The following DNAAF8 variants were observed in gnomAD, a reference collection of about 807,000 sequenced individuals.
DNAAF8 encodes the protein dynein axonemal assembly factor 8.
Under a neutral mutation model 54.6 loss-of-function variants are expected in DNAAF8, and 61 were observed. That is an observed-to-expected ratio of 1.12 (90% CI 0.91 to 1.38). The LOEUF (loss-of-function observed/expected upper bound fraction) is 1.38. DNAAF8 is among the 40% of genes most tolerant of loss of function. DNAAF8 has a pLI of 0.00. For missense variants in DNAAF8, 837 were observed against 665.0 expected (o/e 1.26, Z -2.85); for synonymous variants, 320 against 270.1 (o/e 1.18, Z -1.81).
Position 4,746,707 on chromosome 16 carries a change from T to C in DNAAF8, c.1181+195T>C, listed in dbSNP as rs536477359. The C allele has an allele frequency of 6.0e-6, 5 of 840,074 alleles. No homozygotes were observed. In the East Asian group the frequency reaches 8.1e-5, roughly 14 times the overall value. 52.0% of individuals were successfully genotyped at this position (840,074 alleles called of 1,614,324 possible). A position where few individuals can be genotyped will look rare whatever the true frequency, so the allele number is the denominator to read the frequency against. On this transcript the variant is annotated intron_variant, in intron 7 of 9. Transcript: ENST00000299320. ...AGGGAAGAGGGGCATGAGGCACACCTCCTCGGGCTGGGCTCTATGCAATAG... is the reference window on the plus strand; with the variant it reads ...AGGGAAGAGGGGCATGAGGCACACCCCCTCGGGCTGGGCTCTATGCAATAG...
Position 4,743,124 on chromosome 16 carries a change from A to G in DNAAF8, c.865A>G (p.Thr289Ala). 6.2e-7 allele frequency: 1 copy of G among 1,611,476 alleles called. No individual in the cohort carries two copies. The highest frequency in any genetic ancestry group is 8.5e-7 in the Non-Finnish European group (1 of 1,178,714). Reference protein sequence around the residue: ...EDNQGNRAPGTVWWAADHRQV... With the variant: ...EDNQGNRAPGAVWWAADHRQV... Reference sequence around the variant, plus strand: ...CAACCAGGGAAATCGTGCACCTGGAACTGTGTGGTGGGCAGCTGACCACCG... The same window carrying G: ...CAACCAGGGAAATCGTGCACCTGGAGCTGTGTGGTGGGCAGCTGACCACCG... The change falls in exon 5 of 10, where the codon ACT (threonine) becomes GCT (alanine). Residue 289 changes from threonine to alanine, a missense_variant. Transcript: ENST00000299320.
chr16:4,739,265 G>GTTTTTTTTTTTTTTTTT lies in DNAAF8; in HGVS notation c.277-883_277-867dup, dbSNP rs35113323. On this transcript the variant is annotated intron_variant, in intron 3 of 9. Transcript: ENST00000299320. The stretch of plus-strand genomic sequence containing the variant: ...AAACTCTTCTGGATGATTTTTTCTT[G>GTTTTTTTTTTTTTTTTT]TTTTTTTTTTTTTTTTTTTTTGTAA... Among the ~76,000 whole-genome samples the GTTTTTTTTTTTTTTTTT allele has an allele frequency of 4.7e-3, 323 of 69,040 alleles. 62 individuals carry two copies. Among genetic ancestry groups the GTTTTTTTTTTTTTTTTT allele is most frequent in the African/African-American group, 6.6e-3 (122 of 18,468 alleles). 45.3% of individuals were successfully genotyped at this position (69,040 alleles called of 152,430 possible). A position where few individuals can be genotyped will look rare whatever the true frequency, so the allele number is the denominator to read the frequency against.
chr16:4,740,923 A>G (rs573553558), intron 4 of DNAAF8, among the ~76,000 whole-genome samples: 2 of 151,892 alleles, frequency 1.3e-5, no homozygotes, highest in African/African-American at 2.4e-5. Context: ...AGCGGCTCGC[A>G]CCTGTAATCC....
Position 4,744,878 on chromosome 16 carries a change from G to T in DNAAF8, c.910G>T (p.Val304Leu). 1 of 1,612,976 alleles carries T rather than the reference G, an allele frequency of 6.2e-7. No homozygotes were observed. Among genetic ancestry groups the T allele is most frequent in the Non-Finnish European group, 8.5e-7 (1 of 1,179,542 alleles). Residue 304 changes from valine (V) to leucine (L), a missense_variant, in exon 6 of 10, where the codon GTG becomes TTG. Physicochemically the swap from Val to Leu is conservative, Grantham distance 32. Coordinates refer to ENST00000299320, the MANE Select transcript of DNAAF8 (RefSeq NM_139170.3). The part of the protein sequence containing the change: ...ADHRQVQDRM[V>L]PSAHNRLMEQ... ...CCTTTGGCCATCCTCAGACCGCATG[G>T]TGCCGAGCGCCCACAACAGGCTCAT...
intron 5 of DNAAF8, 179 bp downstream of exon 5, chr16:4,743,339 C>A: frequency 3.8e-6 from 2 of 528,712 alleles, no homozygotes; most frequent in South Asian, 5.3e-5. Flanking sequence ...ATTCATTCAA[C>A]ATATATGTGA....
chr16:4,741,395 T>C (rs867099831), intron 4 of DNAAF8, among the ~76,000 whole-genome samples: 1 of 152,184 alleles, frequency 6.6e-6, no homozygotes, highest in South Asian at 2.1e-4. Context: ...GATCTCAAAA[T>C]ATGAAAGCCC....
chr16:4,741,029 C>G (rs2081954815), intron 4 of DNAAF8, among the ~76,000 whole-genome samples: 1 of 150,568 alleles, frequency 6.6e-6, no homozygotes. Context: ...AGAAATCATC[C>G]TGGCTAACAC....
At position 4,740,314 on chromosome 16, in the gene DNAAF8, G is replaced by A. The variant is rs757551946; in HGVS notation, c.438G>A (p.Trp146Ter). Reference sequence around the variant, plus strand: ...GGATGGCCGAGGAGCCCCCCAGGTGGCTGGAAGGCGACCTTGGAAGCCTGT... The same window carrying A: ...GGATGGCCGAGGAGCCCCCCAGGTGACTGGAAGGCGACCTTGGAAGCCTGT... ...LLGMAEEPPR[W>*]LEGDLGSLSF... Residue 146 changes from tryptophan (W) to a stop codon, truncating the protein, a stop_gained, in exon 4 of 10, where the codon TGG (tryptophan) becomes TGA (stop). Transcript: ENST00000299320. LOFTEE classifies it high-confidence loss of function. 135 of 1,613,866 alleles carry A rather than the reference G, an allele frequency of 8.4e-5. No homozygotes were observed. The highest frequency in any genetic ancestry group is 1.1e-4 in the Non-Finnish European group (133 of 1,179,990).
intron 1 of DNAAF8, 101 bp from the exon 2 acceptor site, chr16:4,736,363 G>A (rs996183132): frequency 2.4e-6 from 2 of 844,016 alleles, no homozygotes; most frequent in East Asian, 6.5e-5. Flanking sequence ...AGGTGGTGAG[G>A]CCTGCCAGCC....
At position 4,740,106 on chromosome 16, in the gene DNAAF8, A is replaced by G. The variant is rs1454998188; in HGVS notation, c.277-47A>G. 5.3e-6 allele frequency: 8 copies of G among 1,514,080 alleles called. No individual in the cohort carries two copies. In the Admixed American group the frequency reaches 1.6e-4, roughly 30 times the overall value. The allele number at this position is 1,514,080 out of a possible 1,614,324, so 93.8% of individuals were successfully genotyped here. On this transcript the variant is annotated intron_variant, in intron 3 of 9. Coordinates refer to ENST00000299320, the MANE Select transcript of DNAAF8 (RefSeq NM_139170.3). ...TTTTTCTATGAAAAACATTCCCTGA[A>G]GCATGTTTTTGAGGATGCTAACTGA...
chr16:4,746,086 T>C (rs945818490), intron 6 of DNAAF8: 10 of 314,704 alleles, frequency 3.2e-5, no homozygotes, highest in East Asian at 1.7e-4. Flanking sequence ...GTTTTATGCA[T>C]TGGATTTAAA....
rs1176199753 is a variant in DNAAF8, at chr16:4,743,165, G to C, written c.901+5G>C. 6.4e-7 allele frequency: 1 copy of C among 1,569,444 alleles called. No individual in the cohort carries two copies. The highest frequency in any genetic ancestry group is 8.7e-7 in the Non-Finnish European group (1 of 1,148,734). ...CTGACCACCGCCAAGTTCAAGGTCT[G>C]ACCTTGAACACTGGAGCCCACGTGA... is the stretch of plus-strand genomic sequence containing the variant. On this transcript the variant is annotated splice_donor_5th_base_variant and intron_variant, in intron 5 of 9. Coordinates refer to ENST00000299320, the MANE Select transcript of DNAAF8 (RefSeq NM_139170.3).
In DNAAF8 at chr16:4,747,604, G is replaced by A; in HGVS notation, c.1542G>A (p.Met514Ile). The A allele has an allele frequency of 6.2e-7, 1 of 1,609,018 alleles. No homozygotes were observed. Among genetic ancestry groups the A allele is most frequent in the South Asian group, 1.1e-5 (1 of 90,764 alleles). ...PEPGAAREAL[M>I]PPLEQL is the part of the protein sequence containing the mutation. Reference sequence around the variant, plus strand: ...CAGGGGCAGCCAGGGAGGCCCTGATGCCTCCTCTGGAGCAACTATAGCTGC... The same window carrying A: ...CAGGGGCAGCCAGGGAGGCCCTGATACCTCCTCTGGAGCAACTATAGCTGC... The change falls in exon 9 of 10, where the codon ATG becomes ATA. Residue 514 changes from methionine to isoleucine, a missense_variant. By Grantham distance (10) the Met-to-Ile change is conservative. Coordinates refer to ENST00000299320, the MANE Select transcript of DNAAF8 (RefSeq NM_139170.3).
intron 4 of DNAAF8, among the ~76,000 whole-genome samples, chr16:4,742,110 T>G (rs1200258686): frequency 6.6e-6 from 1 of 152,180 alleles, no homozygotes; most frequent in Non-Finnish European, 1.5e-5. Flanking sequence ...ATTTCCTCCC[T>G]CCTCCTCAGA....
chr16:4,744,981 A>C lies in DNAAF8; in HGVS notation c.1013A>C (p.Gln338Pro). 4 of 1,613,804 alleles carry C rather than the reference A, an allele frequency of 2.5e-6. No individual in the cohort carries two copies. Among genetic ancestry groups the C allele is most frequent in the Non-Finnish European group, 2.5e-6 (3 of 1,179,776 alleles). Residue 338 changes from glutamine (Q) to proline (P), a missense_variant, in exon 6 of 10, where the codon CAG becomes CCG. Gln to Pro is a moderately conservative substitution (Grantham distance 76, BLOSUM62 -1). Coordinates refer to ENST00000299320, the MANE Select transcript of DNAAF8 (RefSeq NM_139170.3). The stretch of plus-strand genomic sequence containing the variant: ...CGGAAGGTGCCTGCCGACACTCCCC[A>C]GGACACCAAAGAGGCAGATTCAGGA... ...CARKVPADTP[Q>P]DTKEADSGSR... is the part of the protein sequence containing the mutation.
At chr16:4,745,553 C>T (rs741694) in intron 6 of DNAAF8, among the ~76,000 whole-genome samples, 1 of 152,100 alleles carries the variant, frequency 6.6e-6, no homozygotes, top group East Asian at 1.9e-4. Flanking sequence ...GCCCTCCCCA[C>T]ACTTTGGTTG....
intron 3 of DNAAF8, among the ~76,000 whole-genome samples, chr16:4,738,790 G>C (rs2081924667): frequency 6.6e-6 from 1 of 152,146 alleles, no homozygotes; most frequent in Non-Finnish European, 1.5e-5. Flanking sequence ...GGCTGAGACA[G>C]GAGAATCGCT....
chr16:4,738,972 C>A (rs143048074), intron 3 of DNAAF8, among the ~76,000 whole-genome samples: 1 of 152,154 alleles, frequency 6.6e-6, no homozygotes, highest in Admixed American at 6.5e-5. Context: ...TCCAGCGTAA[C>A]TTCTCTCAGG....
chr16:4,736,333 A>G, intron 1 of DNAAF8, 131 bp from the exon 2 acceptor site: 1 of 550,026 alleles, frequency 1.8e-6, no homozygotes. Flanking sequence ...GAGCTTGCAT[A>G]ACTAGAAGGA....
Sources: allele counts gnomAD v4.1 joint callset (sites outside exome capture counted in the v4.1 genomes callset), GRCh38; gene constraint gnomAD v4.1.1; transcripts MANE v1.5; gene names NCBI Gene and HGNC (gene_info 2026-07-23, HGNC 2026-07-21).